Variants in HEPHL1 observed in about 807,000 individuals in gnomAD.
HEPHL1 encodes hephaestin like 1.
A neutral mutation model predicts 122.0 loss-of-function variants in HEPHL1; 123 were observed. The observed-to-expected ratio is 1.01, with a 90% CI of 0.87 to 1.17. HEPHL1 has a LOEUF of 1.17. HEPHL1 is among the 50% of genes most tolerant of loss of function. The probability of loss-of-function intolerance (pLI) is 0.00; values close to 1 mark genes in which losing one functional copy is unlikely to be tolerated. For missense variants in HEPHL1, 1,452 were observed against 1,430.5 expected, an observed-to-expected ratio of 1.01 and a Z score of -0.24; for synonymous variants, 527 against 508.9, an observed-to-expected ratio of 1.04 and a Z score of -0.48.
At position 94,021,422 on chromosome 11, in the gene HEPHL1, G is replaced by C. The variant is rs1318552287; in HGVS notation, c.54G>C (p.Leu18=). The stretch of plus-strand genomic sequence containing the variant: ...TCTTTCTCCTCACATTCCTGGGTCT[G>C]TCTGGGCTGGTTGGCACAGTTACCA... ...GCIFLLTFLG[L]SGLVGTVTRT... The change falls in exon 1 of 20, where the codon CTG becomes CTC. Residue 18 remains leucine, a synonymous_variant. Coordinates refer to ENST00000315765, the MANE Select transcript of HEPHL1 (RefSeq NM_001098672.2). 6.2e-7 allele frequency: 1 copy of C among 1,613,798 alleles called. No homozygotes were observed. Among genetic ancestry groups the C allele is most frequent in the Non-Finnish European group, 8.5e-7 (1 of 1,179,754 alleles).
chr11:94,090,502 TA>T (rs140767335), intron 12 of HEPHL1, among the ~76,000 whole-genome samples: 3,816 of 152,202 alleles, frequency 0.025, 164 homozygotes, highest in African/African-American at 0.087. Context: ...CATAAGGAGA[TA>T]AAATGTGCTG....
rs377630892 is a variant in HEPHL1 at position 94,075,206 on chromosome 11, G to C, written c.1537G>C (p.Gly513Arg). 3.1e-6 allele frequency: 5 copies of C among 1,613,178 alleles called. No homozygotes were observed. The highest frequency in any genetic ancestry group is 4.2e-6 in the Non-Finnish European group (5 of 1,179,564). The stretch of plus-strand genomic sequence containing the variant: ...GAAACCAGGGGCGCATGTTAAACCA[G>C]GTGAAACCTTCACATACAAGTGGAC... ...FVKPGAHVKPGETFTYKWTVP... is the reference protein window; with the variant it reads ...FVKPGAHVKPRETFTYKWTVP... Residue 513 changes from glycine to arginine, a missense_variant, in exon 9 of 20, where the codon GGT becomes CGT. Gly to Arg is a moderately radical substitution (Grantham distance 125). Coordinates refer to ENST00000315765, the MANE Select transcript of HEPHL1 (RefSeq NM_001098672.2).
At chr11:94,025,562 G>A (rs1412749702) in intron 1 of HEPHL1, among the ~76,000 whole-genome samples, 1 of 152,108 alleles carries the variant, frequency 6.6e-6, no homozygotes, top group Non-Finnish European at 1.5e-5. Flanking sequence ...GGGTGGAACT[G>A]CGCTTGAACA....
At chr11:94,067,137 A>C (rs1431688304) in intron 4 of HEPHL1, among the ~76,000 whole-genome samples, 1 of 152,144 alleles carries the variant, frequency 6.6e-6, no homozygotes, top group Non-Finnish European at 1.5e-5. Flanking sequence ...TCTGGTGAAG[A>C]CAGCAGATAT....
chr11:94,063,035 A>G, intron 2 of HEPHL1, among the ~76,000 whole-genome samples: 1 of 152,224 alleles, frequency 6.6e-6, no homozygotes, highest in Non-Finnish European at 1.5e-5. Flanking sequence ...TGATCCCCAG[A>G]GGCAGGAAGA....
chr11:94,077,226 C>A (rs1307305281), intron 9 of HEPHL1, among the ~76,000 whole-genome samples: 2 of 152,122 alleles, frequency 1.3e-5, no homozygotes, highest in Admixed American at 6.6e-5. Context: ...TTGACATTAT[C>A]AAATCTACAT....
chr11:94,099,778 G>A (rs1209612424), intron 13 of HEPHL1, among the ~76,000 whole-genome samples: 3 of 152,178 alleles, frequency 2.0e-5, no homozygotes, highest in Non-Finnish European at 4.4e-5. Context: ...TGCTAGCAAT[G>A]AGTGAGGCTC....
chr11:94,080,028 C>T (rs1946157007), intron 9 of HEPHL1, among the ~76,000 whole-genome samples: 1 of 152,184 alleles, frequency 6.6e-6, no homozygotes, highest in South Asian at 2.1e-4. Context: ...AAGCATCATA[C>T]TACCCGACTT....
intron 15 of HEPHL1, among the ~76,000 whole-genome samples, chr11:94,104,304 G>A (rs1946391752): frequency 6.6e-6 from 1 of 152,082 alleles, no homozygotes; most frequent in South Asian, 2.1e-4. Flanking sequence ...TAATTCTGTA[G>A]GCCACGGAAA....
At chr11:94,042,883 A>AAAAAAAAAAAAAACAAAC (rs1555058775) in intron 1 of HEPHL1, among the ~76,000 whole-genome samples, 16 of 132,398 alleles carry the variant, frequency 1.2e-4, no homozygotes, top group African/African-American at 1.7e-4. Context: ...AATAAAAAAA[A>AAAAAAAAAAAAAACAAAC]AAAAAAAAAA....
intron 13 of HEPHL1, among the ~76,000 whole-genome samples, chr11:94,099,089 CT>C (rs1406020551): frequency 4.6e-5 from 7 of 152,228 alleles, no homozygotes. Flanking sequence ...GAGAGGCACT[CT>C]GATTTTTAGA....
At chr11:94,109,133 G>A (rs1277335048) in intron 17 of HEPHL1, among the ~76,000 whole-genome samples, 2 of 152,066 alleles carry the variant, frequency 1.3e-5, no homozygotes, top group Non-Finnish European at 2.9e-5. Context: ...TAGTGTAAAT[G>A]ATAGTGTTTT....
At chr11:94,031,769 C>T (rs1483067467) in intron 1 of HEPHL1, among the ~76,000 whole-genome samples, 1 of 152,226 alleles carries the variant, frequency 6.6e-6, no homozygotes, top group Non-Finnish European at 1.5e-5. Context: ...AGGACCTCCT[C>T]CCTACCACGG....
chr11:94,053,795 T>G (rs1945911774), intron 2 of HEPHL1, among the ~76,000 whole-genome samples: 1 of 152,224 alleles, frequency 6.6e-6, no homozygotes, highest in African/African-American at 2.4e-5. Flanking sequence ...TTTAATTTAA[T>G]TCCATTGTGA....
At chr11:94,103,140 A>C in intron 15 of HEPHL1, 120 bp downstream of exon 15, 33 of 664,220 alleles carry the variant, frequency 5.0e-5, no homozygotes, top group East Asian at 8.4e-5. Context: ...CAAGGGTCTC[A>C]TACTATGGCC....
At chr11:94,045,536 G>A (rs965413342) in intron 1 of HEPHL1, 137 bp from the exon 2 acceptor site, 15 of 684,250 alleles carry the variant, frequency 2.2e-5, no homozygotes, top group Admixed American at 6.2e-5. Context: ...ATAATCTTCC[G>A]AGCCCTACAG....
At chr11:94,025,651 A>G (rs1945618142) in intron 1 of HEPHL1, among the ~76,000 whole-genome samples, 1 of 152,142 alleles carries the variant, frequency 6.6e-6, no homozygotes, top group Non-Finnish European at 1.5e-5. Context: ...GCATCAGCCC[A>G]GTGTATGGCA....
At chr11:94,029,735 A>C (rs929380484) in intron 1 of HEPHL1, among the ~76,000 whole-genome samples, 2 of 152,232 alleles carry the variant, frequency 1.3e-5, no homozygotes, top group Non-Finnish European at 2.9e-5. Flanking sequence ...GTGTCCAGGA[A>C]TATGAAAAAC....
At chr11:94,023,968 GAAGATGCTGTGACTGGGACAT>G in intron 1 of HEPHL1, among the ~76,000 whole-genome samples, 1 of 152,334 alleles carries the variant, frequency 6.6e-6, no homozygotes, top group East Asian at 1.9e-4. Context: ...GGGTGTATGT[GAAGATGCTGTGACTGGGACAT>G]AAGTGGAGTT....
Sources: gnomAD v4.1 joint callset for allele counts (sites outside exome capture counted in the v4.1 genomes callset) on GRCh38, gnomAD v4.1.1 for gene constraint, MANE v1.5 for transcripts, NCBI Gene and HGNC (gene_info 2026-07-23, HGNC 2026-07-21) for gene names.